Variants in CSMD1 observed in about 807,000 individuals in gnomAD.
CSMD1 encodes CUB and Sushi multiple domains 1.
A neutral mutation model predicts 417.5 loss-of-function variants in CSMD1; 213 were observed. The ratio of observed to expected loss-of-function variants is 0.51; its 90% confidence interval spans 0.46 to 0.57. CSMD1 has a LOEUF of 0.57. Among genes scored for constraint, CSMD1 ranks in the 20% least tolerant of loss-of-function variants. The probability of loss-of-function intolerance (pLI) is 0.00; values close to 1 mark genes in which losing one functional copy is unlikely to be tolerated. For synonymous variants in CSMD1, 2,862 were observed against 1,736.8 expected (o/e 1.65, Z -16.11); for missense variants, 6,923 against 4,529.7 (o/e 1.53, Z -15.17).
chr8:3,256,702 C>G (rs1052999123), intron 26 of CSMD1, among the ~76,000 whole-genome samples: 3 of 152,226 alleles, frequency 2.0e-5, no homozygotes, highest in Non-Finnish European at 4.4e-5. Flanking sequence ...ATATGCCTGT[C>G]AACACCCAGA....
chr8:3,672,302 G>C (rs759964726), intron 7 of CSMD1, among the ~76,000 whole-genome samples: 51 of 152,120 alleles, frequency 3.4e-4, no homozygotes, highest in Non-Finnish European at 6.0e-4. Flanking sequence ...AATAGTCTGA[G>C]AATCCTAAGG....
chr8:4,060,049 A>C (rs547058490), intron 3 of CSMD1, among the ~76,000 whole-genome samples: 23 of 152,326 alleles, frequency 1.5e-4, no homozygotes, highest in African/African-American at 5.5e-4. Context: ...CCTCAATAAA[A>C]TACTGGCAAA....
chr8:3,969,523 G>C (rs1372119266), intron 5 of CSMD1, among the ~76,000 whole-genome samples: 1 of 152,046 alleles, frequency 6.6e-6, no homozygotes, highest in East Asian at 1.9e-4. Context: ...ATTTAACTTG[G>C]TGAAATCTCT....
At chr8:4,024,618 T>A (rs1208356663) in intron 4 of CSMD1, among the ~76,000 whole-genome samples, 2 of 152,134 alleles carry the variant, frequency 1.3e-5, no homozygotes, top group Non-Finnish European at 2.9e-5. Flanking sequence ...TAAGGTTCTT[T>A]GAGGTACAAG....
chr8:4,905,692 C>T (rs935026293), intron 1 of CSMD1, among the ~76,000 whole-genome samples: 88 of 150,018 alleles, frequency 5.9e-4, no homozygotes, highest in Admixed American at 3.2e-3. Flanking sequence ...TGGTGGCGGG[C>T]GCCTGTAGTC....
intron 7 of CSMD1, among the ~76,000 whole-genome samples, chr8:3,693,786 T>G (rs2624063): frequency 0.93 from 140,647 of 151,950 alleles, 65,144 homozygotes; most frequent in East Asian, 0.99. Flanking sequence ...AATATAGATG[T>G]GTGTTGGCGT....
intron 3 of CSMD1, among the ~76,000 whole-genome samples, chr8:4,411,547 A>T (rs1222704766): frequency 6.6e-6 from 1 of 152,182 alleles, no homozygotes; most frequent in East Asian, 1.9e-4. Context: ...TATAGTATTC[A>T]TTAATTAATT....
chr8:3,440,227 G>C (rs375192694), intron 12 of CSMD1, among the ~76,000 whole-genome samples: 2 of 116,342 alleles, frequency 1.7e-5, no homozygotes, highest in Non-Finnish European at 3.7e-5. Flanking sequence ...GCATTAAACT[G>C]TATATCAATT....
intron 3 of CSMD1, among the ~76,000 whole-genome samples, chr8:4,233,899 G>C (rs1197236507): frequency 1.3e-5 from 2 of 151,694 alleles, no homozygotes; most frequent in African/African-American, 2.4e-5. Context: ...TCCAGTACTT[G>C]GATGAACCAA....
Position 3,290,667 on chromosome 8 carries a change from A to T in CSMD1, c.3951-6321T>A, listed in dbSNP as rs556871303. Among the ~76,000 whole-genome samples the T allele has an allele frequency of 6.2e-4, 91 of 147,454 alleles. 17 individuals are homozygous for T. Among genetic ancestry groups the T allele is most frequent in the African/African-American group, 2.4e-3 (90 of 37,176 alleles). On this transcript the variant is annotated intron_variant, in intron 25 of 69. Transcript: ENST00000635120. ...ATGAGAATAGTTGTGATTTTTGCAC[A>T]TTGATTTTGTATCCTGAGACTTTGC...
At chr8:4,836,399 C>A (rs951014159) in intron 1 of CSMD1, among the ~76,000 whole-genome samples, 1 of 152,184 alleles carries the variant, frequency 6.6e-6, no homozygotes, top group Admixed American at 6.5e-5. Flanking sequence ...GACGCCTCAG[C>A]TGGGATTGTT....
At chr8:3,758,599 G>A (rs1584953460) in intron 5 of CSMD1, among the ~76,000 whole-genome samples, 1 of 152,152 alleles carries the variant, frequency 6.6e-6, no homozygotes, top group African/African-American at 2.4e-5. Flanking sequence ...TAATTTAAAG[G>A]AAGATGATTA....
At chr8:3,550,224 T>C (rs1300057676) in intron 10 of CSMD1, among the ~76,000 whole-genome samples, 1 of 152,152 alleles carries the variant, frequency 6.6e-6, no homozygotes, top group East Asian at 1.9e-4. Flanking sequence ...CCAATGTCTC[T>C]TCCTTTAGAA....
chr8:4,627,462 A>C (rs925091919), intron 2 of CSMD1, among the ~76,000 whole-genome samples: 1 of 152,194 alleles, frequency 6.6e-6, no homozygotes, highest in African/African-American at 2.4e-5. Flanking sequence ...GAATAGAAGT[A>C]AATTAACAAT....
intron 52 of CSMD1, among the ~76,000 whole-genome samples, chr8:3,010,148 G>T (rs751162612): frequency 3.3e-5 from 5 of 152,230 alleles, no homozygotes; most frequent in Middle Eastern, 3.4e-3. Context: ...AAACCCCAAA[G>T]GAAGAGCTGC....
chr8:3,642,830 T>C (rs4543567), intron 7 of CSMD1, among the ~76,000 whole-genome samples: 2,947 of 152,098 alleles, frequency 0.019, 101 homozygotes, highest in East Asian at 0.16. Context: ...AAATTATACA[T>C]CCATATTTGT....
intron 3 of CSMD1, among the ~76,000 whole-genome samples, chr8:4,206,278 T>C (rs143653978): frequency 0.011 from 1,654 of 152,256 alleles, 9 homozygotes; most frequent in Non-Finnish European, 0.018. Context: ...ATGTGCCATG[T>C]TGGTGTGCTG....
intron 1 of CSMD1, among the ~76,000 whole-genome samples, chr8:4,847,131 T>TG (rs1801190004): frequency 6.6e-6 from 1 of 152,238 alleles, no homozygotes; most frequent in African/African-American, 2.4e-5. Flanking sequence ...AACTTACAGA[T>TG]ACTTCTTTGT....
At chr8:4,010,334 C>T (rs1431817157) in intron 4 of CSMD1, among the ~76,000 whole-genome samples, 2 of 152,174 alleles carry the variant, frequency 1.3e-5, no homozygotes, top group Admixed American at 6.5e-5. Context: ...CTACAAACCC[C>T]TACTTGAAAT....
Sources: gnomAD v4.1 joint callset for allele counts (sites outside exome capture counted in the v4.1 genomes callset) on GRCh38, gnomAD v4.1.1 for gene constraint, MANE v1.5 for transcripts, NCBI Gene and HGNC (gene_info 2026-07-23, HGNC 2026-07-21) for gene names.